ADCY8: variants seen among roughly 807,000 people sequenced by gnomAD.
The protein encoded by ADCY8 is adenylate cyclase type 8.
A neutral mutation model predicts 119.7 loss-of-function variants in ADCY8; 51 were observed. The ratio of observed to expected loss-of-function variants is 0.43; its 90% CI spans 0.34 to 0.54. The LOEUF (loss-of-function observed/expected upper bound fraction) is 0.54. Among genes scored for constraint, ADCY8 ranks in the 20% least tolerant of loss-of-function variants. The pLI is 0.03. For missense variants in ADCY8, 1,383 were observed against 1,598.8 expected (o/e 0.87, Z 2.30); for synonymous variants, 665 against 651.0 (o/e 1.02, Z -0.33).
At chr8:131,002,608 G>C (rs757155494) in intron 1 of ADCY8, among the ~76,000 whole-genome samples, 1 of 151,476 alleles carries the variant, frequency 6.6e-6, no homozygotes, top group Non-Finnish European at 1.5e-5. Context: ...TCATAGTGAA[G>C]CTTAAAAAAT....
At chr8:130,854,465 A>G (rs986810462) in intron 9 of ADCY8, among the ~76,000 whole-genome samples, 2 of 152,204 alleles carry the variant, frequency 1.3e-5, no homozygotes, top group African/African-American at 4.8e-5. Flanking sequence ...TTGTGGTGCA[A>G]TAGGAAACAA....
At chr8:130,878,690 C>G (rs112944894) in intron 8 of ADCY8, among the ~76,000 whole-genome samples, 15 of 152,190 alleles carry the variant, frequency 9.9e-5, no homozygotes, top group African/African-American at 3.6e-4. Context: ...AACAAGATCC[C>G]CAGATGATTC....
chr8:130,982,388 G>A (rs565023012), intron 2 of ADCY8, among the ~76,000 whole-genome samples: 6 of 152,348 alleles, frequency 3.9e-5, no homozygotes, highest in Middle Eastern at 3.4e-3. Flanking sequence ...TAAGGGGGGC[G>A]GGGCATCTGA....
In ADCY8 at chr8:130,840,142, G is replaced by C. The variant is rs1305299381; in HGVS notation, c.2503-3693C>G. Among the ~76,000 whole-genome samples, 2 of 139,240 alleles carry C rather than the reference G, an allele frequency of 1.4e-5. 1 individual carries two copies. The highest frequency in any genetic ancestry group is 3.2e-5 in the Non-Finnish European group (2 of 61,708). The allele number at this position is 139,240 out of a possible 152,430, so 91.3% of individuals were successfully genotyped here. A position where few individuals can be genotyped will look rare whatever the true frequency, so the allele number is the denominator to read the frequency against. On this transcript the variant is annotated intron_variant, in intron 11 of 17. Coordinates refer to ENST00000286355, the MANE Select transcript of ADCY8 (RefSeq NM_001115.3). ...AAAAAACTTAAAGTATGAGGAAAAG[G>C]CAGTGAGTTCTTTTTTTAGGCCTAT...
At chr8:130,790,893 C>T (rs1815404024) in intron 15 of ADCY8, among the ~76,000 whole-genome samples, 1 of 152,134 alleles carries the variant, frequency 6.6e-6, no homozygotes, top group Non-Finnish European at 1.5e-5. Flanking sequence ...TTACATCTCT[C>T]CTATTTCCCA....
chr8:130,780,363 A>G lies in ADCY8; in HGVS notation c.*27T>C. 1 of 1,375,050 alleles carries G rather than the reference A, an allele frequency of 7.3e-7. No individual in the cohort carries two copies. Among genetic ancestry groups the G allele is most frequent in the South Asian group, 2.2e-5 (1 of 45,142 alleles). The allele number at this position is 1,375,050 out of a possible 1,614,324, so 85.2% of individuals were successfully genotyped here. ...TTATTTTATATATAAAAGAAATACA[A>G]AAAAAAAAAACAGAAAGAAAATGCT... On this transcript the variant is annotated 3_prime_UTR_variant, in exon 18 of 18. Transcript: ENST00000286355.
chr8:130,999,709 C>T (rs1368306768), intron 1 of ADCY8, among the ~76,000 whole-genome samples: 1 of 152,210 alleles, frequency 6.6e-6, no homozygotes, highest in Non-Finnish European at 1.5e-5. Flanking sequence ...AAAGAAGATA[C>T]TTCCACCTAT....
Position 131,040,548 on chromosome 8 carries a change from C to T in ADCY8, c.-215G>A, listed in dbSNP as rs373371310. On this transcript the variant is annotated 5_prime_UTR_variant, in exon 1 of 18. Transcript: ENST00000286355. Reference sequence around the variant, plus strand: ...CCTGGAAGATCGCGGCGGACCTCGGCGTCCTTGCGTGCTGCTCTCCCGCCA... The same window carrying T: ...CCTGGAAGATCGCGGCGGACCTCGGTGTCCTTGCGTGCTGCTCTCCCGCCA... 2 of 450,366 alleles carry T rather than the reference C, an allele frequency of 4.4e-6. No homozygotes were observed. The highest frequency in any genetic ancestry group is 4.3e-5 in the Admixed American group (1 of 23,426). 27.9% of individuals were successfully genotyped at this position (450,366 alleles called of 1,614,324 possible). A position where few individuals can be genotyped will look rare whatever the true frequency, so the allele number is the denominator to read the frequency against.
At chr8:131,006,884 CAG>C (rs1268758834) in intron 1 of ADCY8, among the ~76,000 whole-genome samples, 5 of 152,268 alleles carry the variant, frequency 3.3e-5, no homozygotes, top group African/African-American at 1.2e-4. Flanking sequence ...TGTTCTCAAA[CAG>C]AGGATTTCAG....
At chr8:130,898,388 T>A (rs908916041) in intron 7 of ADCY8, among the ~76,000 whole-genome samples, 2 of 126,144 alleles carry the variant, frequency 1.6e-5, no homozygotes, top group African/African-American at 5.7e-5. Flanking sequence ...GGCAATGAAG[T>A]GTGTTTGCTC....
chr8:130,876,816 C>T (rs116417531), intron 8 of ADCY8, among the ~76,000 whole-genome samples: 1,640 of 152,236 alleles, frequency 0.011, 36 homozygotes, highest in African/African-American at 0.036. Flanking sequence ...TGTATAACTC[C>T]TCCCTTGCAA....
At chr8:130,906,292 C>A (rs1285664307) in intron 6 of ADCY8, among the ~76,000 whole-genome samples, 1 of 152,212 alleles carries the variant, frequency 6.6e-6, no homozygotes, top group Admixed American at 6.5e-5. Flanking sequence ...TGGAAGCTTA[C>A]CTTTTCTCCT....
intron 5 of ADCY8, among the ~76,000 whole-genome samples, chr8:130,917,083 T>C (rs1047466329): frequency 1.3e-5 from 2 of 152,220 alleles, no homozygotes; most frequent in Admixed American, 6.5e-5. Flanking sequence ...TAGATGCCTA[T>C]CAATATTATA....
chr8:130,903,338 T>A (rs1819663798), intron 7 of ADCY8, among the ~76,000 whole-genome samples: 1 of 151,958 alleles, frequency 6.6e-6, no homozygotes, highest in Non-Finnish European at 1.5e-5. Flanking sequence ...AGTGCCCCCC[T>A]GATTTTGAAT....
chr8:130,802,668 C>G (rs190113793), intron 14 of ADCY8, among the ~76,000 whole-genome samples: 12 of 152,336 alleles, frequency 7.9e-5, no homozygotes, highest in Admixed American at 2.6e-4. Context: ...ATTTGTACTT[C>G]TGTGTGCATG....
chr8:130,931,048 A>G (rs1409453107), intron 5 of ADCY8, among the ~76,000 whole-genome samples: 2 of 152,136 alleles, frequency 1.3e-5, no homozygotes, highest in Admixed American at 6.5e-5. Flanking sequence ...TGTACTTTCA[A>G]ATGTTTTTAT....
chr8:130,931,951 C>A (rs2130611681), intron 5 of ADCY8, among the ~76,000 whole-genome samples: 1 of 152,190 alleles, frequency 6.6e-6, no homozygotes, highest in East Asian at 1.9e-4. Flanking sequence ...TCTTTAGGTT[C>A]AGTCACTGGT....
At chr8:130,926,400 A>AAGTG (rs1478221432) in intron 5 of ADCY8, among the ~76,000 whole-genome samples, 1 of 151,870 alleles carries the variant, frequency 6.6e-6, no homozygotes, top group Non-Finnish European at 1.5e-5. Flanking sequence ...GGTTTCCCTC[A>AAGTG]TACTCGTACT....
chr8:130,881,509 C>T (rs1818769930), intron 8 of ADCY8, among the ~76,000 whole-genome samples: 1 of 152,184 alleles, frequency 6.6e-6, no homozygotes, highest in East Asian at 1.9e-4. Context: ...ACAAAGATTG[C>T]AAAGGAACAA....
Sources: allele counts gnomAD v4.1 joint callset (sites outside exome capture counted in the v4.1 genomes callset), GRCh38; gene constraint gnomAD v4.1.1; transcripts MANE v1.5; gene names NCBI Gene and HGNC (gene_info 2026-07-23, HGNC 2026-07-21).